The following CADPS variants were observed in gnomAD, a reference collection of about 807,000 sequenced individuals.
The protein encoded by CADPS is calcium dependent secretion activator, also known as calcium-dependent secretion activator 1.
Under a neutral mutation model 167.3 loss-of-function variants are expected in CADPS, and 57 were observed. The observed-to-expected ratio is 0.34, with a 90% CI of 0.28 to 0.42. CADPS has a LOEUF of 0.42. Ranked by LOEUF, CADPS falls within the 20% of genes least tolerant of loss-of-function variation. CADPS has a pLI of 1.00. For missense variants in CADPS, 1,414 were observed against 1,738.1 expected, an observed-to-expected ratio of 0.81 and a Z score of 3.32; for synonymous variants, 676 against 635.3, an observed-to-expected ratio of 1.06 and a Z score of -0.96.
At chr3:62,572,540 T>A (rs748226120) in intron 8 of CADPS, among the ~76,000 whole-genome samples, 6 of 152,150 alleles carry the variant, frequency 3.9e-5, no homozygotes, top group Middle Eastern at 3.2e-3. Flanking sequence ...ACCCCCACCA[T>A]TTATATGAAA....
Position 62,651,037 on chromosome 3 carries a change from A to C in CADPS, c.1013T>G (p.Met338Arg). ...PKFVSKEMENMYIEELKSSVN... is the reference protein window; with the variant it reads ...PKFVSKEMENRYIEELKSSVN... ...AGATGACTTCAGCTCCTCAATGTAC[A>C]TGTTTTCCATTTCTTTGGATACAAA... Residue 338 changes from methionine (M) to arginine (R), a missense_variant, in exon 5 of 30, where the codon ATG becomes AGG. Around this residue, in one of 6 missense-constraint regions of CADPS, gnomAD observed 522 missense variants for 559.5 expected, o/e 0.93. Transcript: ENST00000383710. The C allele has an allele frequency of 6.2e-7, 1 of 1,614,030 alleles. No homozygotes were observed. Among genetic ancestry groups the C allele is most frequent in the Non-Finnish European group, 8.5e-7 (1 of 1,179,942 alleles).
intron 5 of CADPS, among the ~76,000 whole-genome samples, chr3:62,649,821 G>A (rs1007852952): frequency 1.3e-5 from 2 of 151,780 alleles, no homozygotes; most frequent in African/African-American, 4.8e-5. Context: ...CAAAGTCCTG[G>A]GATTATAGAC....
intron 6 of CADPS, among the ~76,000 whole-genome samples, chr3:62,630,311 G>A (rs2149684409): frequency 6.6e-6 from 1 of 152,160 alleles, no homozygotes; most frequent in East Asian, 1.9e-4. Context: ...TAATATATTT[G>A]AATCCGAATC....
At chr3:62,418,047 A>G (rs1022973803) in intron 28 of CADPS, among the ~76,000 whole-genome samples, 1 of 152,080 alleles carries the variant, frequency 6.6e-6, no homozygotes, top group African/African-American at 2.4e-5. Flanking sequence ...AGCACTTATT[A>G]TATATCGGGC....
chr3:62,855,348 T>C (rs1215042092), intron 1 of CADPS, among the ~76,000 whole-genome samples: 1 of 151,984 alleles, frequency 6.6e-6, no homozygotes, highest in Non-Finnish European at 1.5e-5. Flanking sequence ...TCACTAAATG[T>C]AAGTTCTGAT....
At chr3:62,525,073 T>G (rs972802267) in intron 13 of CADPS, among the ~76,000 whole-genome samples, 29 of 152,226 alleles carry the variant, frequency 1.9e-4, no homozygotes, top group African/African-American at 6.8e-4. Context: ...TTGTACCAGT[T>G]AATTCAATGA....
chr3:62,641,858 C>A (rs1041125060), intron 6 of CADPS, among the ~76,000 whole-genome samples: 9 of 151,970 alleles, frequency 5.9e-5, no homozygotes. Flanking sequence ...AGGCTGCCGG[C>A]CTTCACCACA....
At chr3:62,858,557 A>T (rs2080144639) in intron 1 of CADPS, among the ~76,000 whole-genome samples, 1 of 152,194 alleles carries the variant, frequency 6.6e-6, no homozygotes, top group African/African-American at 2.4e-5. Flanking sequence ...TGAAAAAATT[A>T]CAAGTCTGTT....
At chr3:62,618,760 G>T (rs1413139540) in intron 6 of CADPS, among the ~76,000 whole-genome samples, 2 of 152,120 alleles carry the variant, frequency 1.3e-5, no homozygotes, top group African/African-American at 4.8e-5. Flanking sequence ...CACCTCTCTT[G>T]AGTTCCATTC....
intron 1 of CADPS, among the ~76,000 whole-genome samples, chr3:62,822,484 G>A (rs571690150): frequency 2.1e-4 from 32 of 152,242 alleles, no homozygotes; most frequent in African/African-American, 7.0e-4. Flanking sequence ...ATGGGAAAAC[G>A]GATGGATTTC....
At chr3:62,404,685 G>C (rs1707740091) in intron 28 of CADPS, 1 of 151,716 alleles carries the variant, frequency 6.6e-6, no homozygotes, top group African/African-American at 2.4e-5. Flanking sequence ...CTCACAGCCA[G>C]CTTCTGCTCT....
At chr3:62,570,620 T>A (rs991495447) in intron 9 of CADPS, among the ~76,000 whole-genome samples, 2 of 152,168 alleles carry the variant, frequency 1.3e-5, no homozygotes, top group African/African-American at 2.4e-5. Context: ...AATTAAAAAA[T>A]TATGAGTATT....
chr3:62,689,402 T>A (rs2078683653), intron 3 of CADPS, among the ~76,000 whole-genome samples: 1 of 152,072 alleles, frequency 6.6e-6, no homozygotes, highest in South Asian at 2.1e-4. Flanking sequence ...TAGGATGCCA[T>A]CTTGAGGTTA....
At chr3:62,553,567 C>CT (rs1481413499) in intron 10 of CADPS, among the ~76,000 whole-genome samples, 2 of 152,174 alleles carry the variant, frequency 1.3e-5, no homozygotes, top group African/African-American at 4.8e-5. Flanking sequence ...TAACAGCTCT[C>CT]TTAAGAGTCA....
At chr3:62,549,232 A>T (rs549996054) in intron 11 of CADPS, among the ~76,000 whole-genome samples, 1 of 152,342 alleles carries the variant, frequency 6.6e-6, no homozygotes, top group Non-Finnish European at 1.5e-5. Flanking sequence ...CCAAACATGT[A>T]CTGGCTTTCA....
At chr3:62,798,442 C>G (rs1045633706) in intron 1 of CADPS, among the ~76,000 whole-genome samples, 4 of 152,118 alleles carry the variant, frequency 2.6e-5, no homozygotes, top group African/African-American at 9.7e-5. Flanking sequence ...ACCAGTGAAG[C>G]CTGCACTGTT....
At position 62,438,170 on chromosome 3, in the gene CADPS, G is replaced by A; in HGVS notation, c.3711C>T (p.Val1237=). The change falls in exon 28 of 30, where the codon GTC becomes GTT. Residue 1237 remains valine, a synonymous_variant. Transcript: ENST00000383710. This position sits in a 1 kb window ranked among gnomAD's most constrained non-coding sequence, Gnocchi z 4.7. ...MDVADAYVTF[V]RHSQDVLRDK... ...CACGCAGGACATCCTGAGAATGGCG[G>A]ACGAAAGTCACGTAGGCGTCGGCCA... 6.2e-7 allele frequency: 1 copy of A among 1,613,730 alleles called. No homozygotes were observed. Among genetic ancestry groups the A allele is most frequent in the African/African-American group, 1.3e-5 (1 of 75,024 alleles).
In CADPS at chr3:62,753,168, C is replaced by CA. The variant is rs1389007260; in HGVS notation, c.888+272dup. ...TGACACGTGGAAAACAAGCCTTACT[C>CA]ATAGGGCCAACTTACCCATTAGACA... On this transcript the variant is annotated intron_variant, in intron 3 of 29. Transcript: ENST00000383710. The surrounding 1 kb of genome is among the most constrained non-coding windows in gnomAD (Gnocchi z 4.6). Among the ~76,000 whole-genome samples the CA allele has an allele frequency of 6.6e-6, 1 of 152,160 alleles. No individual in the cohort carries two copies. Among genetic ancestry groups the CA allele is most frequent in the African/African-American group, 2.4e-5 (1 of 41,424 alleles).
chr3:62,447,612 G>A (rs2057409412), intron 26 of CADPS, among the ~76,000 whole-genome samples: 1 of 152,138 alleles, frequency 6.6e-6, no homozygotes, highest in East Asian at 1.9e-4. Flanking sequence ...GACCAGTTCT[G>A]GCCTCAGGAT....
Sources: gnomAD v4.1 joint callset for allele counts (sites outside exome capture counted in the v4.1 genomes callset) on GRCh38, gnomAD v4.1.1 for gene constraint, gnomAD v4.1.1 regional missense constraint, Gnocchi (gnomAD v3.1) non-coding constraint, MANE v1.5 for transcripts, NCBI Gene and HGNC (gene_info 2026-07-23, HGNC 2026-07-21) for gene names.